Variants in HNMT observed in about 807,000 individuals in gnomAD.
HNMT encodes the protein histamine N-methyltransferase.
HNMT carries 30 observed loss-of-function variants against 32.1 expected under a neutral mutation model. The observed-to-expected ratio is 0.93, with a 90% CI of 0.70 to 1.27. The LOEUF (loss-of-function observed/expected upper bound fraction) is 1.27. Ranked by LOEUF, HNMT falls within the 50% of genes most tolerant of loss-of-function variation. HNMT has a pLI of 0.00. For missense variants in HNMT, 327 were observed against 346.0 expected, an observed-to-expected ratio of 0.95 and a Z score of 0.43; for synonymous variants, 125 against 119.0, an observed-to-expected ratio of 1.05 and a Z score of -0.33.
At chr2:137,964,805 G>A (rs1352329815) in intron 1 of HNMT, among the ~76,000 whole-genome samples, 177 bp downstream of exon 1, 4 of 152,104 alleles carry the variant, frequency 2.6e-5, no homozygotes, top group Admixed American at 2.6e-4. Flanking sequence ...GCAGTGCTTT[G>A]GTTCCACGTT....
At position 137,995,249 on chromosome 2, in the gene HNMT, T is replaced by C. The variant is rs550852403; in HGVS notation, c.191-5669T>C. ...TCCAGGAGCTGGTTTTTTGAAAAAA[T>C]TAACAAAATAGATTGCTAGCTAGAC... On this transcript the variant is annotated intron_variant, in intron 2 of 5. Transcript: ENST00000280097. Among the ~76,000 whole-genome samples the C allele has an allele frequency of 2.0e-3, 291 of 148,258 alleles. 2 individuals are homozygous for C. The highest frequency in any genetic ancestry group is 7.0e-3 in the African/African-American group (282 of 40,488).
intron 2 of HNMT, among the ~76,000 whole-genome samples, chr2:137,970,432 G>A (rs1680085847): frequency 6.6e-6 from 1 of 152,146 alleles, no homozygotes; most frequent in Non-Finnish European, 1.5e-5. Flanking sequence ...TTGTGAATAA[G>A]TGATGTGACT....
chr2:137,977,317 C>T (rs1680314234), intron 2 of HNMT, among the ~76,000 whole-genome samples: 1 of 152,178 alleles, frequency 6.6e-6, no homozygotes, highest in Admixed American at 6.5e-5. Flanking sequence ...GGTCTGCAAT[C>T]TCTTAATCAG....
chr2:137,974,293 G>T (rs1468334154), intron 2 of HNMT, among the ~76,000 whole-genome samples: 1 of 152,104 alleles, frequency 6.6e-6, no homozygotes, highest in African/African-American at 2.4e-5. Flanking sequence ...TATTCATGTT[G>T]TTAATTTCTG....
At chr2:137,974,881 CAT>C (rs1680242036) in intron 2 of HNMT, among the ~76,000 whole-genome samples, 2 of 152,128 alleles carry the variant, frequency 1.3e-5, no homozygotes, top group Admixed American at 6.5e-5. Flanking sequence ...ATTTTTCTGA[CAT>C]ATGTTGAGAC....
At chr2:137,989,036 C>T (rs1234899214) in intron 2 of HNMT, among the ~76,000 whole-genome samples, 1 of 152,170 alleles carries the variant, frequency 6.6e-6, no homozygotes, top group Non-Finnish European at 1.5e-5. Context: ...TATATATTCC[C>T]TCCCAGAATT....
intron 2 of HNMT, among the ~76,000 whole-genome samples, chr2:137,980,351 T>C (rs747340224): frequency 2.0e-5 from 3 of 152,212 alleles, no homozygotes; most frequent in East Asian, 1.9e-4. Flanking sequence ...AACAGTTTTA[T>C]ACCTGTGCAA....
intron 2 of HNMT, among the ~76,000 whole-genome samples, chr2:137,983,525 C>G (rs34400200): frequency 0.057 from 8,735 of 152,068 alleles, 373 homozygotes; most frequent in Non-Finnish European, 0.084. Context: ...GTCCCTATAA[C>G]AAAAGATAGA....
intron 2 of HNMT, among the ~76,000 whole-genome samples, chr2:137,980,550 A>C (rs572519123): frequency 6.6e-6 from 1 of 152,064 alleles, no homozygotes; most frequent in Non-Finnish European, 1.5e-5. Context: ...TTTTCCATCA[A>C]ATATCTGTAC....
chr2:137,970,965 G>T lies in HNMT; in HGVS notation c.190+748G>T, dbSNP rs1285115154. On this transcript the variant is annotated intron_variant, in intron 2 of 5. Coordinates refer to ENST00000280097, the MANE Select transcript of HNMT (RefSeq NM_006895.3). ...AGAAAGAAAGAAAGAAAGAAAGAAAGAAAGAAAAAAGAAATGTGCACTGGA... is the reference window on the plus strand; with the variant it reads ...AGAAAGAAAGAAAGAAAGAAAGAAATAAAGAAAAAAGAAATGTGCACTGGA... Among the ~76,000 whole-genome samples, 8 of 106,810 alleles carry T rather than the reference G, an allele frequency of 7.5e-5. 1 individual carries two copies. Among genetic ancestry groups the T allele is most frequent in the South Asian group, 3.2e-4 (1 of 3,096 alleles). The allele number at this position is 106,810 out of a possible 152,430, so 70.1% of individuals were successfully genotyped here.
At chr2:137,971,969 T>C (rs1263363845) in intron 2 of HNMT, among the ~76,000 whole-genome samples, 1 of 152,216 alleles carries the variant, frequency 6.6e-6, no homozygotes, top group Admixed American at 6.5e-5. Context: ...TGTAACTTAA[T>C]GCCAAGTGGT....
At chr2:137,978,545 A>G (rs1207710657) in intron 2 of HNMT, among the ~76,000 whole-genome samples, 4 of 140,488 alleles carry the variant, frequency 2.8e-5, no homozygotes, top group Non-Finnish European at 6.0e-5. Context: ...ATATGATTAG[A>G]TAATATAGTA....
At chr2:137,968,492 T>C (rs1680026597) in intron 1 of HNMT, among the ~76,000 whole-genome samples, 1 of 152,184 alleles carries the variant, frequency 6.6e-6, no homozygotes, top group Admixed American at 6.5e-5. Context: ...AACTTCTCCA[T>C]GAATTAGAAA....
intron 1 of HNMT, among the ~76,000 whole-genome samples, chr2:137,965,718 T>C (rs1471004): frequency 0.02 from 3,063 of 152,260 alleles, 97 homozygotes; most frequent in African/African-American, 0.07. Flanking sequence ...CTCTTTGGGT[T>C]TCTTTGCTCA....
chr2:137,980,590 T>C (rs1680462359), intron 2 of HNMT, among the ~76,000 whole-genome samples: 1 of 152,170 alleles, frequency 6.6e-6, no homozygotes, highest in Non-Finnish European at 1.5e-5. Flanking sequence ...TTTGAAGCAT[T>C]TTCTCTAAGT....
In HNMT at chr2:138,014,041, A is replaced by G. The variant is rs747748805; in HGVS notation, c.790A>G (p.Lys264Glu). ...ACCTGATCTCAGAGCAGAGCTTGGG[A>G]AAGATCTACAAGAGCCTGAATTTAG... Reference protein sequence around the residue: ...APPDLRAELGKDLQEPEFSAK... With the variant: ...APPDLRAELGEDLQEPEFSAK... Residue 264 changes from lysine to glutamate, a missense_variant, in exon 6 of 6, where the codon AAA (lysine) becomes GAA (glutamate). By Grantham distance (56) the Lys-to-Glu change is moderately conservative. Transcript: ENST00000280097. 1.9e-6 allele frequency: 3 copies of G among 1,613,734 alleles called. No individual in the cohort carries two copies. In the East Asian group the frequency reaches 6.7e-5, roughly 36 times the overall value.
At chr2:138,005,008 T>C in intron 4 of HNMT, 124 bp from the exon 5 acceptor site, 1 of 606,668 alleles carries the variant, frequency 1.6e-6, no homozygotes, top group East Asian at 2.7e-5. Flanking sequence ...TTTAAATTTC[T>C]TAAGTGTTTT....
chr2:137,972,152 T>A lies in HNMT; in HGVS notation c.190+1935T>A, dbSNP rs113266458. On this transcript the variant is annotated intron_variant, in intron 2 of 5. Transcript: ENST00000280097. ...TGGAGTCTCGCTCTGTTGCCCAGGC[T>A]AGAGTACAGTGGCATGATCTTGGCT... Among the ~76,000 whole-genome samples, 1,027 of 152,282 alleles carry A rather than the reference T, an allele frequency of 6.7e-3. 6 individuals carry two copies. Among genetic ancestry groups the A allele is most frequent in the African/African-American group, 0.023 (974 of 41,538 alleles).
intron 1 of HNMT, among the ~76,000 whole-genome samples, chr2:137,968,803 AATTTTT>A (rs1680035687): frequency 6.6e-6 from 1 of 152,222 alleles, no homozygotes; most frequent in African/African-American, 2.4e-5. Flanking sequence ...ACCTTACTTC[AATTTTT>A]GTTCCCATCC....
Sources: allele counts gnomAD v4.1 joint callset (sites outside exome capture counted in the v4.1 genomes callset), GRCh38; gene constraint gnomAD v4.1.1; transcripts MANE v1.5; gene names NCBI Gene and HGNC (gene_info 2026-07-23, HGNC 2026-07-21).